CROCC2: variants seen among roughly 807,000 people sequenced by gnomAD.
CROCC2 encodes the protein ciliary rootlet coiled-coil, rootletin family member 2, also known as ciliary rootlet coiled-coil protein 2.
A neutral mutation model predicts 177.6 loss-of-function variants in CROCC2; 163 were observed. The observed-to-expected ratio is 0.92, with a 90% CI of 0.81 to 1.05. The LOEUF (loss-of-function observed/expected upper bound fraction) is 1.05. CROCC2 is among the 50% of genes least tolerant of loss of function. CROCC2 has a pLI of 0.00. For synonymous variants in CROCC2, 904 were observed against 787.3 expected (o/e 1.15, Z -2.48); for missense variants, 1,929 against 1,797.8 (o/e 1.07, Z -1.32).
chr2:240,929,679 C>T (rs1196231378), intron 5 of CROCC2: 2 of 456,256 alleles, frequency 4.4e-6, no homozygotes, highest in East Asian at 6.9e-5. Context: ...ACCTGGACAT[C>T]TTCAGGAGCC....
chr2:240,939,898 G>A (rs953708806), intron 14 of CROCC2, among the ~76,000 whole-genome samples: 4 of 152,064 alleles, frequency 2.6e-5, no homozygotes, highest in African/African-American at 7.2e-5. Context: ...CATCACGATC[G>A]GAGGACATAC....
chr2:240,963,932 G>C, intron 21 of CROCC2, 159 bp downstream of exon 21: 1 of 726,448 alleles, frequency 1.4e-6, no homozygotes, highest in Non-Finnish European at 2.3e-6. Flanking sequence ...CCGCTGCCCA[G>C]TCCAAGAGGT....
At chr2:240,948,726 C>T (rs1047856100) in intron 15 of CROCC2, among the ~76,000 whole-genome samples, 6 of 152,188 alleles carry the variant, frequency 3.9e-5, no homozygotes, top group South Asian at 2.1e-4. Context: ...GATGGAATCA[C>T]GCCGTATGTG....
At chr2:240,945,819 C>T (rs2059520307) in intron 14 of CROCC2, among the ~76,000 whole-genome samples, 1 of 152,000 alleles carries the variant, frequency 6.6e-6, no homozygotes. Context: ...CAGTTGGCTC[C>T]TACCTAGGAG....
intron 3 of CROCC2, among the ~76,000 whole-genome samples, chr2:240,920,845 G>A (rs533166551): frequency 1.4e-4 from 21 of 152,348 alleles, no homozygotes; most frequent in African/African-American, 5.1e-4. Context: ...TCTCTCCTAT[G>A]TCAGCCGCTC....
chr2:240,941,290 A>G (rs942191142), intron 14 of CROCC2, among the ~76,000 whole-genome samples: 17 of 152,222 alleles, frequency 1.1e-4, no homozygotes, highest in African/African-American at 4.1e-4. Flanking sequence ...TGCAATTCCC[A>G]TCAAAATATC....
intron 5 of CROCC2, among the ~76,000 whole-genome samples, chr2:240,926,298 C>G (rs1264716574): frequency 6.6e-6 from 1 of 152,204 alleles, no homozygotes; most frequent in Non-Finnish European, 1.5e-5. Flanking sequence ...CCCCCTGCAG[C>G]CTTTCCCACT....
At chr2:240,981,673 G>A (rs1229710822) in intron 27 of CROCC2, 4 of 152,058 alleles carry the variant, frequency 2.6e-5, no homozygotes, top group African/African-American at 4.8e-5. Flanking sequence ...AAAATTGCAC[G>A]AAGGGTGAAG....
At chr2:240,989,596 G>A (rs1339553543) in intron 29 of CROCC2, 58 bp from the exon 30 acceptor site, 1 of 1,476,346 alleles carries the variant, frequency 6.8e-7, no homozygotes, top group Non-Finnish European at 9.1e-7. Context: ...TCCTGCCCTG[G>A]GATTCTGTGC....
Position 240,982,722 on chromosome 2 carries a change from A to G in CROCC2, c.4402-158A>G, listed in dbSNP as rs539852778. 245 of 620,134 alleles carry G rather than the reference A, an allele frequency of 4.0e-4. No homozygotes were observed. The highest frequency in any genetic ancestry group is 6.2e-4 in the Non-Finnish European group (224 of 358,588). The allele number at this position is 620,134 out of a possible 1,614,324, so 38.4% of individuals were successfully genotyped here. On this transcript the variant is annotated intron_variant, in intron 27 of 31. Coordinates refer to ENST00000690015, the MANE Select transcript of CROCC2 (RefSeq NM_001351305.2). This position sits in a 1 kb window ranked among gnomAD's most constrained non-coding sequence, Gnocchi z 4.7. ...CATTGCAAACACAATCACCTGATCA[A>G]CGCACTTCAGGTTGTCCTTAACCAC...
chr2:240,955,316 C>T (rs1387306647), intron 18 of CROCC2: 2 of 153,170 alleles, frequency 1.3e-5, no homozygotes, highest in Non-Finnish European at 2.9e-5. Flanking sequence ...CCAGATGGGC[C>T]TGGGCATAGA....
intron 30 of CROCC2, 43 bp downstream of exon 30, chr2:240,989,876 G>T: frequency 6.7e-7 from 1 of 1,491,914 alleles, no homozygotes; most frequent in South Asian, 1.3e-5. Context: ...GAAGAGGCAG[G>T]GACAGAGGAC....
intron 5 of CROCC2, among the ~76,000 whole-genome samples, chr2:240,928,670 C>A (rs965320060): frequency 3.9e-5 from 6 of 152,200 alleles, no homozygotes; most frequent in Non-Finnish European, 8.8e-5. Context: ...GTGCAGGAGG[C>A]GGTGCGGCTG....
chr2:240,934,901 C>G lies in CROCC2; in HGVS notation c.1792-15C>G, dbSNP rs146982512. On this transcript the variant is annotated splice_polypyrimidine_tract_variant and intron_variant, in intron 12 of 31. Transcript: ENST00000690015. ...AGCTGAAGGTCCCTCCCTGGCATCC[C>G]CCTCCCTGCCCCAGGCCGAGTGCAG... 196 of 1,485,692 alleles carry G rather than the reference C, an allele frequency of 1.3e-4. No individual in the cohort carries two copies. The African/African-American group carries it at 2.4e-3, about 18-fold the overall frequency. The allele number at this position is 1,485,692 out of a possible 1,614,324, so 92.0% of individuals were successfully genotyped here. A position where few individuals can be genotyped will look rare whatever the true frequency, so the allele number is the denominator to read the frequency against.
chr2:240,986,180 G>A (rs1168919043), intron 28 of CROCC2: 1 of 328,034 alleles, frequency 3.0e-6, no homozygotes, highest in Non-Finnish European at 6.1e-6. Context: ...TGCATCACAT[G>A]GGCACATGGG....
intron 1 of CROCC2, among the ~76,000 whole-genome samples, chr2:240,913,834 CCA>C (rs1185734480): frequency 5.9e-5 from 9 of 152,390 alleles, no homozygotes; most frequent in South Asian, 2.1e-4. Flanking sequence ...TGGCAGGAGG[CCA>C]CCCAGCCCAA....
chr2:240,992,071 C>T (rs541015773), intron 31 of CROCC2, among the ~76,000 whole-genome samples: 10 of 152,342 alleles, frequency 6.6e-5, no homozygotes, highest in East Asian at 3.9e-4. Flanking sequence ...ATGCTGGGAA[C>T]GGTCCTGTGG....
At chr2:240,962,028 A>ACG (rs1259126594) in intron 20 of CROCC2, among the ~76,000 whole-genome samples, 1 of 28,220 alleles carries the variant, frequency 3.5e-5, no homozygotes, top group African/African-American at 1.1e-4. Context: ...ACACACACAC[A>ACG]CGCACGCACA....
At chr2:240,967,558 C>T in intron 26 of CROCC2, 93 bp downstream of exon 26, 1 of 1,514,590 alleles carries the variant, frequency 6.6e-7, no homozygotes, top group South Asian at 1.2e-5. Flanking sequence ...AGCTTTCAGT[C>T]CCTGGGGCAG....
Sources: allele counts gnomAD v4.1 joint callset (sites outside exome capture counted in the v4.1 genomes callset), GRCh38; gene constraint gnomAD v4.1.1; non-coding constraint Gnocchi (gnomAD v3.1); transcripts MANE v1.5; gene names NCBI Gene and HGNC (gene_info 2026-07-23, HGNC 2026-07-21).